Variants in GPAT4 observed in about 807,000 individuals in gnomAD.
The protein encoded by GPAT4 is glycerol-3-phosphate acyltransferase 4.
GPAT4 carries 17 observed loss-of-function variants against 58.0 expected under a neutral mutation model. The observed-to-expected ratio is 0.29, with a 90% CI of 0.20 to 0.44. GPAT4 has a LOEUF of 0.44. Ranked by LOEUF, GPAT4 falls within the 20% of genes least tolerant of loss-of-function variation. The pLI is 1.00. For synonymous variants in GPAT4, 204 were observed against 210.1 expected (o/e 0.97, Z 0.25); for missense variants, 377 against 574.5 (o/e 0.66, Z 3.51).
intron 2 of GPAT4, among the ~76,000 whole-genome samples, chr8:41,603,896 A>AGAATGAATGAATGAATGAATGAAT (rs56179166): frequency 1.2e-4 from 18 of 150,834 alleles, no homozygotes; most frequent in East Asian, 5.9e-4. Context: ...TCAGCTGCAC[A>AGAATGAATGAATGAATGAATGAAT]GAATGAATGA....
chr8:41,610,107 GGT>G, intron 4 of GPAT4, 152 bp downstream of exon 4: 1 of 1,451,074 alleles, frequency 6.9e-7, no homozygotes, highest in Non-Finnish European at 9.0e-7. Context: ...GGGATACACT[GGT>G]GATTCTCCTT....
intron 2 of GPAT4, among the ~76,000 whole-genome samples, chr8:41,599,830 A>G (rs946140596): frequency 5.3e-5 from 8 of 152,188 alleles, no homozygotes; most frequent in African/African-American, 1.4e-4. Flanking sequence ...AACTGGTCAC[A>G]TTGTAAGGAA....
At chr8:41,596,293 G>GCA (rs1280911507) in intron 1 of GPAT4, among the ~76,000 whole-genome samples, 2 of 152,092 alleles carry the variant, frequency 1.3e-5, no homozygotes, top group South Asian at 4.2e-4. Flanking sequence ...GGTAAAAAGG[G>GCA]CACACACACA....
intron 1 of GPAT4, among the ~76,000 whole-genome samples, chr8:41,584,312 C>T (rs931512354): frequency 3.9e-5 from 6 of 152,164 alleles, no homozygotes; most frequent in African/African-American, 1.4e-4. Context: ...TTTGTCATTC[C>T]ACTCCTAGGT....
At chr8:41,584,168 A>G (rs1244887493) in intron 1 of GPAT4, among the ~76,000 whole-genome samples, 2 of 152,184 alleles carry the variant, frequency 1.3e-5, no homozygotes, top group African/African-American at 4.8e-5. Context: ...GAATGCTGAA[A>G]TTACAGGTGT....
chr8:41,604,378 A>G (rs1246640174), intron 2 of GPAT4, among the ~76,000 whole-genome samples: 4 of 152,218 alleles, frequency 2.6e-5, no homozygotes, highest in South Asian at 2.1e-4. Context: ...GGGTGGATCA[A>G]TATCTTTTCT....
At chr8:41,605,372 G>A (rs1486057953) in intron 2 of GPAT4, among the ~76,000 whole-genome samples, 1 of 152,156 alleles carries the variant, frequency 6.6e-6, no homozygotes, top group Non-Finnish European at 1.5e-5. Context: ...CATTTGAACT[G>A]GATCCTAAAA....
chr8:41,609,561 G>T, intron 3 of GPAT4, 76 bp downstream of exon 3: 11 of 1,600,366 alleles, frequency 6.9e-6, no homozygotes, highest in Non-Finnish European at 8.6e-6. Flanking sequence ...TGCCACACAC[G>T]CTCTTCCCTG....
At chr8:41,617,914 A>C (rs564977018) in intron 10 of GPAT4, among the ~76,000 whole-genome samples, 1 of 152,328 alleles carries the variant, frequency 6.6e-6, no homozygotes, top group South Asian at 2.1e-4. Flanking sequence ...CTCCTTGCGC[A>C]ACTTCCTCTA....
chr8:41,609,295 C>A, intron 2 of GPAT4, 121 bp from the exon 3 acceptor site: 1 of 1,037,840 alleles, frequency 9.6e-7, no homozygotes, highest in Non-Finnish European at 1.5e-6. Flanking sequence ...AGACTATGTG[C>A]TTCTTGGCTA....
Position 41,598,334 on chromosome 8 carries a change from A to T in GPAT4, c.-806A>T, listed in dbSNP as rs1396179712. On this transcript the variant is annotated 5_prime_UTR_variant, in exon 2 of 13. Transcript: ENST00000396987. ...CAGCTGTTTGCCAAGAACCCAGGTCACTGCTAAGAAAGGGTGCCTTCGGGA... is the reference window on the plus strand; with the variant it reads ...CAGCTGTTTGCCAAGAACCCAGGTCTCTGCTAAGAAAGGGTGCCTTCGGGA... 6.6e-6 allele frequency: 1 copy of T among 152,250 alleles called. No homozygotes were observed. Among genetic ancestry groups the T allele is most frequent in the East Asian group, 1.9e-4 (1 of 5,196 alleles). The allele number at this position is 152,250 out of a possible 1,614,324, so 9.4% of individuals were successfully genotyped here.
Position 41,610,535 on chromosome 8 carries a change from A to G in GPAT4, c.537-201A>G, listed in dbSNP as rs1038469888. On this transcript the variant is annotated intron_variant, in intron 4 of 12. Coordinates refer to ENST00000396987, the MANE Select transcript of GPAT4 (RefSeq NM_178819.4). ...ATGCAGGCAGCTGAGAGCCAGACCC[A>G]TGGCTCACTGTCAGCTGGAATCAAA... is the stretch of plus-strand genomic sequence containing the variant. The G allele has an allele frequency of 7.5e-6, 11 of 1,461,670 alleles. No individual in the cohort carries two copies. In the Middle Eastern group the frequency reaches 5.6e-4, roughly 74 times the overall value. The allele number at this position is 1,461,670 out of a possible 1,614,324, so 90.5% of individuals were successfully genotyped here. A position where few individuals can be genotyped will look rare whatever the true frequency, so the allele number is the denominator to read the frequency against.
intron 1 of GPAT4, among the ~76,000 whole-genome samples, chr8:41,595,264 G>C (rs1308234141): frequency 7.2e-6 from 1 of 138,880 alleles, no homozygotes; most frequent in Non-Finnish European, 1.5e-5. Flanking sequence ...TTAAGATTTA[G>C]ATCTCCTGTT....
chr8:41,621,756 TTGTGG>T lies in GPAT4; in HGVS notation c.*756_*760del, dbSNP rs1248097622. The T allele has an allele frequency of 6.6e-6, 1 of 152,252 alleles. No homozygotes were observed. Among genetic ancestry groups the T allele is most frequent in the Non-Finnish European group, 1.5e-5 (1 of 68,124 alleles). 9.4% of individuals were successfully genotyped at this position (152,252 alleles called of 1,614,324 possible). A position where few individuals can be genotyped will look rare whatever the true frequency, so the allele number is the denominator to read the frequency against. ...TGGTGATTCCTACCTCACAGGGCTGTTGTGGGGATTAAAGTGCTGCGGGTGAGTGA... is the reference window on the plus strand; with the variant it reads ...TGGTGATTCCTACCTCACAGGGCTGTGGATTAAAGTGCTGCGGGTGAGTGA... On this transcript the variant is annotated 3_prime_UTR_variant, in exon 13 of 13. Coordinates refer to ENST00000396987, the MANE Select transcript of GPAT4 (RefSeq NM_178819.4).
chr8:41,616,709 C>A (rs1289915591), intron 10 of GPAT4, among the ~76,000 whole-genome samples: 1 of 152,116 alleles, frequency 6.6e-6, no homozygotes. Context: ...GAACACGAAC[C>A]CTGAGGAGTT....
At chr8:41,592,643 G>T (rs1802818592) in intron 1 of GPAT4, among the ~76,000 whole-genome samples, 1 of 152,166 alleles carries the variant, frequency 6.6e-6, no homozygotes, top group East Asian at 1.9e-4. Flanking sequence ...AAGTGACATT[G>T]AGAGACTGGG....
rs1563280782 is a variant in GPAT4 at position 41,618,771 on chromosome 8, ATTG to A, written c.1143_1145del (p.Val382del). On this transcript the variant is annotated inframe_deletion, in exon 11 of 13. Transcript: ENST00000396987. ...GCTGCGAATGATGACCAGCTGGGCCATTGTCTGCAGCGTGTGGTACCTGCCTCC... is the reference window on the plus strand; with the variant it reads ...GCTGCGAATGATGACCAGCTGGGCCATCTGCAGCGTGTGGTACCTGCCTCC... The A allele has an allele frequency of 6.2e-7, 1 of 1,614,204 alleles. No individual in the cohort carries two copies. Among genetic ancestry groups the A allele is most frequent in the Non-Finnish European group, 8.5e-7 (1 of 1,180,034 alleles).
chr8:41,610,241 TC>T, intron 4 of GPAT4: 10 of 1,296,982 alleles, frequency 7.7e-6, no homozygotes, highest in Non-Finnish European at 9.8e-6. Context: ...TGCCACTCCT[TC>T]CTGGACATGG....
chr8:41,584,024 A>G (rs1263051114), intron 1 of GPAT4, among the ~76,000 whole-genome samples: 1 of 152,092 alleles, frequency 6.6e-6, no homozygotes, highest in East Asian at 1.9e-4. Context: ...AGCCTCCCAA[A>G]TAGCTGGGAT....
Sources: allele counts gnomAD v4.1 joint callset (sites outside exome capture counted in the v4.1 genomes callset), GRCh38; gene constraint gnomAD v4.1.1; transcripts MANE v1.5; gene names NCBI Gene and HGNC (gene_info 2026-07-23, HGNC 2026-07-21).